The following NRXN3 variants were observed in gnomAD, a reference collection of about 807,000 sequenced individuals.
NRXN3 encodes the protein neurexin 3.
NRXN3 carries 32 observed loss-of-function variants against 137.6 expected under a neutral mutation model. That is an observed-to-expected ratio of 0.23 (90% CI 0.18 to 0.31). NRXN3 has a LOEUF of 0.31. Ranked by LOEUF, NRXN3 falls within the 10% of genes least tolerant of loss-of-function variation. The pLI, the probability that NRXN3 is intolerant of heterozygous loss-of-function variation, is 1.00. For synonymous variants in NRXN3, 798 were observed against 784.5 expected (o/e 1.02, Z -0.29); for missense variants, 1,574 against 2,062.5 (o/e 0.76, Z 4.59).
At chr14:79,419,681 A>G (rs1215561803) in intron 15 of NRXN3, among the ~76,000 whole-genome samples, 2 of 152,174 alleles carry the variant, frequency 1.3e-5, no homozygotes, top group Non-Finnish European at 2.9e-5. Context: ...CATGTCCAGT[A>G]TGGTGAAATC....
chr14:79,622,510 T>C (rs1051676970), intron 16 of NRXN3, among the ~76,000 whole-genome samples: 1 of 152,222 alleles, frequency 6.6e-6, no homozygotes, highest in African/African-American at 2.4e-5. Context: ...TGAGTGAAGA[T>C]ACATAAAGTA....
At chr14:79,719,302 T>TGTAC (rs2098834760) in intron 19 of NRXN3, among the ~76,000 whole-genome samples, 1 of 148,976 alleles carries the variant, frequency 6.7e-6, no homozygotes, top group Non-Finnish European at 1.5e-5. Context: ...TATGTGTATA[T>TGTAC]GTATGTGTAT....
intron 4 of NRXN3, among the ~76,000 whole-genome samples, chr14:78,515,791 G>A (rs1226723888): frequency 6.6e-6 from 1 of 152,032 alleles, no homozygotes; most frequent in Non-Finnish European, 1.5e-5. Context: ...AAGATAGAAT[G>A]TGACTGGAAG....
chr14:78,642,323 A>T (rs1191569610), intron 4 of NRXN3, among the ~76,000 whole-genome samples: 1 of 152,208 alleles, frequency 6.6e-6, no homozygotes, highest in East Asian at 1.9e-4. Flanking sequence ...CCATCTCTAA[A>T]ATCCCTTATA....
intron 14 of NRXN3, among the ~76,000 whole-genome samples, chr14:78,975,861 G>T (rs997125685): frequency 6.6e-6 from 1 of 152,186 alleles, no homozygotes; most frequent in Non-Finnish European, 1.5e-5. Context: ...TATCAAGAAA[G>T]AAGTTTACCG....
chr14:78,732,319 G>A (rs912092790), intron 8 of NRXN3, among the ~76,000 whole-genome samples: 3 of 152,306 alleles, frequency 2.0e-5, no homozygotes, highest in South Asian at 4.1e-4. Context: ...AGCAAAGGCT[G>A]TGGGTATATA....
At chr14:78,472,344 T>C (rs1230490123) in intron 4 of NRXN3, among the ~76,000 whole-genome samples, 1 of 152,162 alleles carries the variant, frequency 6.6e-6, no homozygotes, top group East Asian at 1.9e-4. Context: ...CAAGGTCATT[T>C]GTTTAGTGTG....
intron 4 of NRXN3, among the ~76,000 whole-genome samples, chr14:78,308,556 A>G (rs889005245): frequency 1.3e-5 from 2 of 152,158 alleles, no homozygotes; most frequent in African/African-American, 4.8e-5. Context: ...GCTTGGATGC[A>G]TCAGAAGTGA....
At chr14:79,064,254 G>A (rs2099677888) in intron 15 of NRXN3, among the ~76,000 whole-genome samples, 1 of 152,174 alleles carries the variant, frequency 6.6e-6, no homozygotes, top group African/African-American at 2.4e-5. Flanking sequence ...AATGCCAGCA[G>A]AAAGGTAGAG....
intron 1 of NRXN3, among the ~76,000 whole-genome samples, chr14:78,197,098 T>A (rs139249466): frequency 6.6e-6 from 1 of 152,328 alleles, no homozygotes; most frequent in African/African-American, 2.4e-5. Context: ...TGTGGCAGTT[T>A]GCTTGTATCT....
rs555967196 is a variant in NRXN3 at position 79,489,150 on chromosome 14, A to T, written c.3444+21748A>T. Among the ~76,000 whole-genome samples, 132 of 152,312 alleles carry T rather than the reference A, an allele frequency of 8.7e-4. 1 individual carries two copies. Among genetic ancestry groups the T allele is most frequent in the Non-Finnish European group, 1.8e-3 (121 of 68,036 alleles). ...ATCAAATATATAGGATTGTTAAATAACAATGTCCAATTTAGAAGCTGAGTT... is the reference window on the plus strand; with the variant it reads ...ATCAAATATATAGGATTGTTAAATATCAATGTCCAATTTAGAAGCTGAGTT... On this transcript the variant is annotated intron_variant, in intron 16 of 20. Transcript: ENST00000335750.
intron 20 of NRXN3, among the ~76,000 whole-genome samples, chr14:79,817,330 G>A (rs559890843): frequency 1.4e-4 from 22 of 152,232 alleles, no homozygotes; most frequent in Admixed American, 5.9e-4. Context: ...TGGGATTACA[G>A]GTATGAGCCA....
Position 78,326,870 on chromosome 14 carries a change from C to T in NRXN3, c.757+29010C>T, listed in dbSNP as rs977488078. 7.4e-5 allele frequency among the ~76,000 whole-genome samples: 11 copies of T among 149,518 alleles called. No homozygotes were observed. In the East Asian group the frequency reaches 1.2e-3, roughly 16 times the overall value. ...ATTGTGAACAGAATGGATCTGAATT[C>T]GAATCCAGTTAGTCTGCTTACTCAC... On this transcript the variant is annotated intron_variant, in intron 4 of 20. Transcript: ENST00000335750.
At chr14:78,546,184 A>G (rs544339484) in intron 4 of NRXN3, among the ~76,000 whole-genome samples, 1 of 152,350 alleles carries the variant, frequency 6.6e-6, no homozygotes, top group South Asian at 2.1e-4. Flanking sequence ...ATACTCAAGC[A>G]ATGTATGAGC....
intron 15 of NRXN3, among the ~76,000 whole-genome samples, chr14:79,299,311 T>TA (rs2084740571): frequency 6.6e-6 from 1 of 152,016 alleles, no homozygotes; most frequent in South Asian, 2.1e-4. Flanking sequence ...TAACTCCACA[T>TA]ACCTGAGTGT....
intron 19 of NRXN3, among the ~76,000 whole-genome samples, chr14:79,787,959 T>C (rs1207143677): frequency 6.6e-6 from 1 of 152,166 alleles, no homozygotes; most frequent in Non-Finnish European, 1.5e-5. Context: ...ACATGACTCC[T>C]GGTGTGTTAG....
chr14:78,403,039 C>A (rs575051246), intron 4 of NRXN3, among the ~76,000 whole-genome samples: 62 of 152,216 alleles, frequency 4.1e-4, no homozygotes, highest in African/African-American at 1.4e-3. Context: ...GAGGTGGGAG[C>A]AAAGAAATGA....
At chr14:79,603,066 C>G (rs763186081) in intron 16 of NRXN3, among the ~76,000 whole-genome samples, 14 of 152,230 alleles carry the variant, frequency 9.2e-5, no homozygotes, top group Non-Finnish European at 2.1e-4. Context: ...GAATCCAGTT[C>G]TCTTTCAGCT....
intron 16 of NRXN3, among the ~76,000 whole-genome samples, chr14:79,521,855 A>G (rs1289635107): frequency 6.6e-6 from 1 of 152,162 alleles, no homozygotes; most frequent in Non-Finnish European, 1.5e-5. Context: ...GGTTGATCAA[A>G]GTCATTTCCT....
Sources: allele counts gnomAD v4.1 joint callset (sites outside exome capture counted in the v4.1 genomes callset), GRCh38; gene constraint gnomAD v4.1.1; transcripts MANE v1.5; gene names NCBI Gene and HGNC (gene_info 2026-07-23, HGNC 2026-07-21).